MPDZ: variants seen among roughly 807,000 people sequenced by gnomAD.
MPDZ encodes the protein multiple PDZ domain crumbs cell polarity complex component, also known as multiple PDZ domain protein.
A neutral mutation model predicts 239.1 loss-of-function variants in MPDZ; 234 were observed. That is an observed-to-expected ratio of 0.98 (90% CI 0.88 to 1.09). MPDZ has a LOEUF of 1.09. Ranked by LOEUF, MPDZ falls within the 50% of genes least tolerant of loss-of-function variation. The pLI is 0.00. For synonymous variants in MPDZ, 1,048 were observed against 881.3 expected, an observed-to-expected ratio of 1.19 and a Z score of -3.35; for missense variants, 3,175 against 2,510.0, an observed-to-expected ratio of 1.26 and a Z score of -5.66.
intron 5 of MPDZ, among the ~76,000 whole-genome samples, chr9:13,222,862 T>C (rs923798950): frequency 2.8e-4 from 42 of 148,132 alleles, no homozygotes; most frequent in Non-Finnish European, 4.8e-4. Context: ...ATCCATAGAT[T>C]AGATCCCCAA....
intron 34 of MPDZ, among the ~76,000 whole-genome samples, chr9:13,126,017 C>CT (rs1945056611): frequency 6.6e-6 from 1 of 152,178 alleles, no homozygotes; most frequent in African/African-American, 2.4e-5. Context: ...GGAAACAAAG[C>CT]TTTTTTCTGG....
intron 32 of MPDZ, among the ~76,000 whole-genome samples, chr9:13,127,980 A>G (rs974286): frequency 0.029 from 4,346 of 152,272 alleles, 183 homozygotes; most frequent in South Asian, 0.093. Context: ...TTATTGGTAC[A>G]GTGGGTATTT....
intron 32 of MPDZ, among the ~76,000 whole-genome samples, chr9:13,131,087 T>G (rs142187882): frequency 6.6e-6 from 1 of 152,184 alleles, no homozygotes; most frequent in South Asian, 2.1e-4. Context: ...ATAACTATAA[T>G]TTAAAAATAT....
chr9:13,271,376 C>T (rs991017065), intron 1 of MPDZ, among the ~76,000 whole-genome samples: 2 of 152,144 alleles, frequency 1.3e-5, no homozygotes, highest in Non-Finnish European at 2.9e-5. Flanking sequence ...TTATTTTGAA[C>T]TGAAGGCAAA....
intron 3 of MPDZ, among the ~76,000 whole-genome samples, chr9:13,233,926 G>C (rs1327176245): frequency 6.6e-6 from 1 of 152,124 alleles, no homozygotes; most frequent in Non-Finnish European, 1.5e-5. Flanking sequence ...GATTCAACTG[G>C]CTAATTCCCA....
chr9:13,133,654 T>G (rs768665184), intron 32 of MPDZ, among the ~76,000 whole-genome samples, 170 bp downstream of exon 32: 1 of 152,168 alleles, frequency 6.6e-6, no homozygotes, highest in Non-Finnish European at 1.5e-5. Flanking sequence ...ACCCTAGAGT[T>G]TCTCATTAAG....
intron 1 of MPDZ, among the ~76,000 whole-genome samples, chr9:13,265,960 C>A (rs1159300530): frequency 6.6e-6 from 1 of 152,202 alleles, no homozygotes; most frequent in African/African-American, 2.4e-5. Context: ...CTCCCAAGAT[C>A]ATTTTCTAGG....
At chr9:13,207,044 C>T (rs1437529438) in intron 10 of MPDZ, among the ~76,000 whole-genome samples, 1 of 151,984 alleles carries the variant, frequency 6.6e-6, no homozygotes, top group East Asian at 1.9e-4. Flanking sequence ...AAGTTTGGAA[C>T]CAGAACTATG....
chr9:13,192,148 T>C lies in MPDZ; in HGVS notation c.1951A>G (p.Ile651Val), dbSNP rs1955016835. The C allele has an allele frequency of 6.2e-7, 1 of 1,605,870 alleles. No homozygotes were observed. Among genetic ancestry groups the C allele is most frequent in the Non-Finnish European group, 8.5e-7 (1 of 1,175,944 alleles). ...SELDSLDLCD[I>V]ELTEKPHVDL... ...TCTGATACCTTTTCTGTTAGCTCAA[T>C]ATCACATAAGTCCAGGCTATCCAAT... Residue 651 changes from isoleucine to valine, a missense_variant, in exon 15 of 47, where the codon ATT (isoleucine) becomes GTT (valine). By Grantham distance (29) the Ile-to-Val change is conservative (BLOSUM62 3). Transcript: ENST00000319217.
rs115551911 is a variant in MPDZ at position 13,276,130 on chromosome 9, A to C, written c.-58+3270T>G. 5.4e-3 allele frequency among the ~76,000 whole-genome samples: 830 copies of C among 152,294 alleles called. 6 individuals are homozygous for C. Among genetic ancestry groups the C allele is most frequent in the African/African-American group, 0.018 (743 of 41,560 alleles). ...TAAGACCCTACACTTCTGGAGCAGA[A>C]TCATGTTTATTCTGTACTCTCCCCA... On this transcript the variant is annotated intron_variant, in intron 1 of 46. Coordinates refer to ENST00000319217, the MANE Select transcript of MPDZ (RefSeq NM_001378778.1).
chr9:13,207,697 C>T (rs1430413105), intron 10 of MPDZ, among the ~76,000 whole-genome samples: 1 of 152,124 alleles, frequency 6.6e-6, no homozygotes, highest in African/African-American at 2.4e-5. Context: ...TTTACATTTT[C>T]TGCTATTATG....
Position 13,196,190 on chromosome 9 carries a change from AT to A in MPDZ, c.1586del (p.Asp529ValfsTer10), listed in dbSNP as rs1175999645. 2 of 1,601,522 alleles carry A rather than the reference AT, an allele frequency of 1.2e-6. No homozygotes were observed. Among genetic ancestry groups the A allele is most frequent in the African/African-American group, 2.7e-5 (2 of 74,838 alleles). On this transcript the variant is annotated frameshift_variant, in exon 13 of 47. Coordinates refer to ENST00000319217, the MANE Select transcript of MPDZ (RefSeq NM_001378778.1). LOFTEE classifies it high-confidence loss of function. ...GCAGAGCAGCTTCTTGTTTTTGTGC[AT>A]CTTCTATTTCTTCTATCTCAGCTGA... is the stretch of plus-strand genomic sequence containing the variant. ...LLSAEIEEIE[D>X]AQKQEAALLT...
intron 15 of MPDZ, among the ~76,000 whole-genome samples, chr9:13,191,653 G>T (rs555460767): frequency 1.3e-5 from 2 of 152,232 alleles, no homozygotes; most frequent in Non-Finnish European, 2.9e-5. Context: ...CATTCACTAA[G>T]TGGTAACTGT....
At chr9:13,272,537 A>G (rs1463155937) in intron 1 of MPDZ, among the ~76,000 whole-genome samples, 1 of 151,976 alleles carries the variant, frequency 6.6e-6, no homozygotes. Flanking sequence ...CCACTGAATC[A>G]TATCGATGAG....
chr9:13,156,708 A>G (rs1403508588), intron 24 of MPDZ, among the ~76,000 whole-genome samples: 1 of 152,174 alleles, frequency 6.6e-6, no homozygotes, highest in Admixed American at 6.6e-5. Context: ...TCCTCTCATA[A>G]TATTGTTACT....
chr9:13,266,066 T>C (rs774810908), intron 1 of MPDZ, among the ~76,000 whole-genome samples: 11 of 152,338 alleles, frequency 7.2e-5, no homozygotes, highest in Non-Finnish European at 1.5e-4. Flanking sequence ...ACAAAAATTA[T>C]GAAGAGTGTT....
chr9:13,241,410 T>C (rs571298946), intron 3 of MPDZ, among the ~76,000 whole-genome samples: 1 of 152,166 alleles, frequency 6.6e-6, no homozygotes, highest in African/African-American at 2.4e-5. Context: ...GTTAATGAAA[T>C]CAAAGCATAT....
chr9:13,201,374 G>T (rs1395303303), intron 12 of MPDZ, among the ~76,000 whole-genome samples: 1 of 151,402 alleles, frequency 6.6e-6, no homozygotes, highest in Non-Finnish European at 1.5e-5. Context: ...TATTTTGCTA[G>T]TCTGATTATG....
intron 1 of MPDZ, among the ~76,000 whole-genome samples, chr9:13,275,434 T>C (rs75133266): frequency 6.6e-6 from 1 of 152,182 alleles, no homozygotes; most frequent in African/African-American, 2.4e-5. Context: ...ACTTTGATTT[T>C]AGACTTCCAG....
Sources: allele counts gnomAD v4.1 joint callset (sites outside exome capture counted in the v4.1 genomes callset), GRCh38; gene constraint gnomAD v4.1.1; transcripts MANE v1.5; gene names NCBI Gene and HGNC (gene_info 2026-07-23, HGNC 2026-07-21).